The following RGPD8 variants were observed in gnomAD, a reference collection of about 807,000 sequenced individuals.
The protein encoded by RGPD8 is RANBP2-like and GRIP domain-containing protein 8.
RGPD8 carries 15 observed loss-of-function variants against 89.1 expected under a neutral mutation model. That is an observed-to-expected ratio of 0.17 (90% CI 0.11 to 0.26). The LOEUF is 0.26. Ranked by LOEUF, RGPD8 falls within the 10% of genes least tolerant of loss-of-function variation. The probability of loss-of-function intolerance (pLI) is 1.00; values close to 1 mark genes in which losing one functional copy is unlikely to be tolerated. For synonymous variants in RGPD8, 62 were observed against 420.9 expected (o/e 0.15, Z 10.44); for missense variants, 178 against 1,179.6 (o/e 0.15, Z 12.44).
chr2:112,432,602 G>A, intron 1 of RGPD8: 4 of 985,334 alleles, frequency 4.1e-6, no homozygotes, highest in Non-Finnish European at 4.8e-6. Context: ...CCAGGCCAAG[G>A]AGGTACGACC....
chr2:112,391,292 G>T, intron 18 of RGPD8, among the ~76,000 whole-genome samples: 1 of 147,236 alleles, frequency 6.8e-6, no homozygotes, highest in Non-Finnish European at 1.5e-5. Context: ...GAATAGCATC[G>T]CTGTGATCAA....
Position 112,427,612 on chromosome 2 carries a change from A to G in RGPD8, c.73-3305T>C, listed in dbSNP as rs1574025546. Among the ~76,000 whole-genome samples the G allele has an allele frequency of 2.0e-5, 3 of 152,206 alleles. No individual in the cohort carries two copies. The South Asian group carries it at 6.2e-4, about 32-fold the overall frequency. On this transcript the variant is annotated intron_variant, in intron 1 of 22. Coordinates refer to ENST00000302558, the MANE Select transcript of RGPD8 (RefSeq NM_001164463.1). ...TAATTGTAATTGTCCAAAACTTAAT[A>G]TTTGTGGCCTACTTTTTCATTATGC...
In RGPD8 at chr2:112,391,047, T is replaced by G; in HGVS notation, c.2625A>C (p.Val875=). The G allele has an allele frequency of 6.3e-7, 1 of 1,584,274 alleles. No homozygotes were observed. Among genetic ancestry groups the G allele is most frequent in the Non-Finnish European group, 8.5e-7 (1 of 1,175,238 alleles). The change falls in exon 19 of 23, where the codon GTA becomes GTC. Residue 875 remains valine, a synonymous_variant. Coordinates refer to ENST00000302558, the MANE Select transcript of RGPD8 (RefSeq NM_001164463.1). ...TATATGCTGGTGACTGACTATAATA[T>G]ACTGAAGGGCCAGTAGTTGCAACTG... is the stretch of plus-strand genomic sequence containing the variant. ...PLTVATTGPS[V]YYSQSPAYNS...
intron 19 of RGPD8, among the ~76,000 whole-genome samples, chr2:112,390,562 C>G (rs1678659029): frequency 7.0e-6 from 1 of 142,738 alleles, no homozygotes; most frequent in African/African-American, 2.6e-5. Flanking sequence ...AGCAGAAGAG[C>G]AAGGGTCTAA....
At chr2:112,425,888 C>G (rs13386802) in intron 1 of RGPD8, among the ~76,000 whole-genome samples, 20,247 of 151,936 alleles carry the variant, frequency 0.13, 1,521 homozygotes, top group Non-Finnish European at 0.16. Flanking sequence ...TGAATAGTAC[C>G]AAACCAGGTT....
chr2:112,426,902 T>G (rs1558991173), intron 1 of RGPD8, among the ~76,000 whole-genome samples: 1 of 148,938 alleles, frequency 6.7e-6, no homozygotes, highest in Non-Finnish European at 1.5e-5. Context: ...CTCAGCTCAC[T>G]GCAACCTCTG....
intron 6 of RGPD8, 50 bp downstream of exon 6, chr2:112,417,143 A>G: frequency 6.2e-7 from 1 of 1,607,998 alleles, no homozygotes; most frequent in African/African-American, 1.4e-5. Context: ...CTTACTGCAA[A>G]AAGAAAAACT....
rs551512893 is a variant in RGPD8 at position 112,432,818 on chromosome 2, C to T, written c.72+564G>A. ...GGCGCCAAAGGTCTCCCGCCCGCCGCGGTCCCCCCAGGACTCTTCCTGCGC... is the reference window on the plus strand; with the variant it reads ...GGCGCCAAAGGTCTCCCGCCCGCCGTGGTCCCCCCAGGACTCTTCCTGCGC... On this transcript the variant is annotated intron_variant, in intron 1 of 22. Coordinates refer to ENST00000302558, the MANE Select transcript of RGPD8 (RefSeq NM_001164463.1). 5.3e-5 allele frequency among the ~76,000 whole-genome samples: 8 copies of T among 152,336 alleles called. No individual in the cohort carries two copies. The South Asian group carries it at 1.7e-3, about 32-fold the overall frequency.
At chr2:112,371,122 G>A (rs1441746272) in intron 22 of RGPD8, among the ~76,000 whole-genome samples, 1 of 149,640 alleles carries the variant, frequency 6.7e-6, no homozygotes, top group Non-Finnish European at 1.5e-5. Context: ...AGATTTATGG[G>A]AAACCTTAAA....
In RGPD8 at chr2:112,370,028, T is replaced by A; in HGVS notation, c.*150A>T. The A allele has an allele frequency of 2.2e-6, 1 of 445,192 alleles. No homozygotes were observed. Among genetic ancestry groups the A allele is most frequent in the Admixed American group, 4.6e-5 (1 of 21,894 alleles). The allele number at this position is 445,192 out of a possible 1,614,324, so 27.6% of individuals were successfully genotyped here. A position where few individuals can be genotyped will look rare whatever the true frequency, so the allele number is the denominator to read the frequency against. On this transcript the variant is annotated 3_prime_UTR_variant, in exon 23 of 23. Transcript: ENST00000302558. ...CATCTGTCATACAGATGTACAAATA[T>A]ATGTAAATGCAAACACATATACACA...
chr2:112,381,030 A>G (rs1678284955), intron 20 of RGPD8, 67 bp from the exon 21 acceptor site: 4 of 525,640 alleles, frequency 7.6e-6, no homozygotes, highest in Admixed American at 4.2e-5. Flanking sequence ...TCTAAATAAG[A>G]AAAATCTAAA....
intron 7 of RGPD8, among the ~76,000 whole-genome samples, chr2:112,410,921 A>G (rs1679158548): frequency 2.0e-5 from 3 of 152,294 alleles, no homozygotes; most frequent in Admixed American, 2.0e-4. Flanking sequence ...CCTCGTCTCT[A>G]CTAAAAACAC....
At chr2:112,371,214 C>A (rs1486331311) in intron 22 of RGPD8, among the ~76,000 whole-genome samples, 1 of 110,622 alleles carries the variant, frequency 9.0e-6, no homozygotes, top group African/African-American at 3.5e-5. Context: ...TATAGTAAAA[C>A]CTGCCCTTTT....
intron 6 of RGPD8, 40 bp downstream of exon 6, chr2:112,417,153 T>G: frequency 6.2e-7 from 1 of 1,608,024 alleles, no homozygotes; most frequent in Non-Finnish European, 8.5e-7. Context: ...AAAGAAAAAC[T>G]GCAATTTATA....
chr2:112,390,842 T>C, intron 19 of RGPD8, 133 bp downstream of exon 19: 1 of 897,810 alleles, frequency 1.1e-6, no homozygotes, highest in Non-Finnish European at 1.6e-6. Flanking sequence ...TATTTGGAGA[T>C]AAATTTAAAA....
intron 7 of RGPD8, among the ~76,000 whole-genome samples, chr2:112,410,462 ACTGT>A (rs1325792605): frequency 4.6e-5 from 7 of 151,658 alleles, no homozygotes; most frequent in Non-Finnish European, 1.0e-4. Context: ...TAACATGTGA[ACTGT>A]CTATCAACGG....
chr2:112,430,640 G>T (rs1384952194), intron 1 of RGPD8, among the ~76,000 whole-genome samples: 1 of 146,738 alleles, frequency 6.8e-6, no homozygotes, highest in Non-Finnish European at 1.5e-5. Flanking sequence ...AGGCTCTAAG[G>T]TTGCTTTTTT....
chr2:112,428,087 G>T (rs1170509281), intron 1 of RGPD8, among the ~76,000 whole-genome samples: 2 of 152,286 alleles, frequency 1.3e-5, no homozygotes, highest in Non-Finnish European at 2.9e-5. Flanking sequence ...AAGTTACCAA[G>T]AACAAGAATC....
At chr2:112,408,625 T>C (rs1378919007) in intron 7 of RGPD8, among the ~76,000 whole-genome samples, 14 of 151,828 alleles carry the variant, frequency 9.2e-5, no homozygotes, top group Non-Finnish European at 1.9e-4. Flanking sequence ...TGTGACCAGT[T>C]AATTAGTTGT....
Sources: allele counts gnomAD v4.1 joint callset (sites outside exome capture counted in the v4.1 genomes callset), GRCh38; gene constraint gnomAD v4.1.1; transcripts MANE v1.5; gene names NCBI Gene and HGNC (gene_info 2026-07-23, HGNC 2026-07-21).